GAD2: variants seen among roughly 807,000 people sequenced by gnomAD.
GAD2 encodes the protein 65 kDa glutamic acid decarboxylase.
Under a neutral mutation model 80.1 loss-of-function variants are expected in GAD2, and 22 were observed. That is an observed-to-expected ratio of 0.27 (90% CI 0.20 to 0.39). The LOEUF is 0.39. Among genes scored for constraint, GAD2 ranks in the 10% least tolerant of loss-of-function variants. GAD2 has a pLI of 1.00. For missense variants in GAD2, 624 were observed against 738.4 expected (o/e 0.85, Z 1.80); for synonymous variants, 274 against 256.9 (o/e 1.07, Z -0.64).
At chr10:26,237,998 TCACACAGACA>T (rs746395220) in intron 7 of GAD2, among the ~76,000 whole-genome samples, 1,748 of 117,666 alleles carry the variant, frequency 0.015, 39 homozygotes, top group African/African-American at 0.054. Flanking sequence ...CGAGACTCCA[TCACACAGACA>T]CACACACACA....
At chr10:26,292,832 T>C in intron 14 of GAD2, 70 bp from the exon 15 acceptor site, 2 of 1,274,070 alleles carry the variant, frequency 1.6e-6, no homozygotes, top group Admixed American at 1.7e-5. Context: ...ATACATCGAT[T>C]TGAAATGTTC....
intron 4 of GAD2, among the ~76,000 whole-genome samples, chr10:26,221,203 A>G (rs1234048757): frequency 2.0e-5 from 3 of 152,222 alleles, no homozygotes; most frequent in African/African-American, 7.2e-5. Context: ...CAAATTAGTT[A>G]CCATCCTTGC....
At position 26,270,734 on chromosome 10, in the gene GAD2, A is replaced by G. The variant is rs761992421; in HGVS notation, c.1070A>G (p.Tyr357Cys). ...GCTGTCGCTGACATTTGCAAAAAGT[A>G]TAAGATCTGGATGCATGTGGATGTA... ...LLAVADICKK[Y>C]KIWMHVDAAW... Residue 357 changes from tyrosine to cysteine, a missense_variant, in exon 10 of 16, where the codon TAT becomes TGT. Coordinates refer to ENST00000376261, the MANE Select transcript of GAD2 (RefSeq NM_001134366.2). 1.2e-6 allele frequency: 2 copies of G among 1,612,776 alleles called. No homozygotes were observed. The highest frequency in any genetic ancestry group is 1.7e-6 in the Non-Finnish European group (2 of 1,178,736).
intron 8 of GAD2, among the ~76,000 whole-genome samples, chr10:26,268,421 T>G (rs938250709): frequency 5.3e-5 from 8 of 150,696 alleles, no homozygotes; most frequent in Non-Finnish European, 1.0e-4. Context: ...TGAGCCAAGA[T>G]TGTGCCACTG....
intron 5 of GAD2, among the ~76,000 whole-genome samples, chr10:26,224,277 T>C (rs548218999): frequency 6.6e-6 from 1 of 152,346 alleles, no homozygotes; most frequent in East Asian, 1.9e-4. Context: ...ATCATGTTAC[T>C]CTGCAATATT....
intron 4 of GAD2, among the ~76,000 whole-genome samples, chr10:26,222,721 C>T (rs1284488553): frequency 6.6e-6 from 1 of 152,134 alleles, no homozygotes; most frequent in Admixed American, 6.5e-5. Context: ...TACCCAGTGT[C>T]TGTCTGGCCA....
chr10:26,219,369 G>C, intron 4 of GAD2, 93 bp downstream of exon 4: 2 of 823,108 alleles, frequency 2.4e-6, no homozygotes, highest in Non-Finnish European at 3.6e-6. Flanking sequence ...TGGAGTTACT[G>C]ATATTTTCAA....
At chr10:26,238,979 TG>T (rs146382247) in intron 7 of GAD2, among the ~76,000 whole-genome samples, 2,665 of 141,004 alleles carry the variant, frequency 0.019, 86 homozygotes, top group African/African-American at 0.064. Context: ...CCCCGGGGGA[TG>T]GTGGGGTGGG....
At chr10:26,281,475 G>A (rs1323189164) in intron 12 of GAD2, among the ~76,000 whole-genome samples, 1 of 152,022 alleles carries the variant, frequency 6.6e-6, no homozygotes, top group African/African-American at 2.4e-5. Context: ...ACATGATATA[G>A]GATTAAGGGT....
Position 26,217,068 on chromosome 10 carries a change from C to T in GAD2, c.76+183C>T, listed in dbSNP as rs993121350. 2.0e-5 allele frequency among the ~76,000 whole-genome samples: 3 copies of T among 152,024 alleles called. No homozygotes were observed. Among genetic ancestry groups the T allele is most frequent in the Admixed American group, 6.6e-5 (1 of 15,258 alleles). ...CTCAAGACCTCTACAGCCTCTTGTA[C>T]CCTGGGAAGACGCCCAAATAGTCTC... On this transcript the variant is annotated intron_variant, in intron 1 of 15. Coordinates refer to ENST00000376261, the MANE Select transcript of GAD2 (RefSeq NM_001134366.2). The surrounding 1 kb of genome is among the most constrained non-coding windows in gnomAD (Gnocchi z 4.9).
intron 4 of GAD2, among the ~76,000 whole-genome samples, chr10:26,221,986 A>T (rs961142005): frequency 3.9e-5 from 6 of 152,190 alleles, no homozygotes; most frequent in Non-Finnish European, 7.3e-5. Flanking sequence ...GGGCCACAGG[A>T]TGGGAGCAAA....
intron 15 of GAD2, among the ~76,000 whole-genome samples, chr10:26,293,925 A>C (rs1834246327): frequency 6.6e-6 from 1 of 152,090 alleles, no homozygotes; most frequent in Admixed American, 6.6e-5. Context: ...AGAAAATGTA[A>C]CTCCCAAAAT....
intron 4 of GAD2, among the ~76,000 whole-genome samples, chr10:26,222,299 A>C (rs972298371): frequency 5.3e-5 from 8 of 152,188 alleles, no homozygotes; most frequent in African/African-American, 1.9e-4. Context: ...ACAGGTTTTC[A>C]TTCCCAAGTT....
chr10:26,220,041 T>C (rs570158235), intron 4 of GAD2, among the ~76,000 whole-genome samples: 3 of 152,324 alleles, frequency 2.0e-5, no homozygotes, highest in South Asian at 4.1e-4. Context: ...TACAGCTTCA[T>C]TTATAACATT....
intron 7 of GAD2, among the ~76,000 whole-genome samples, chr10:26,235,367 TG>T (rs1179796516): frequency 6.6e-6 from 1 of 152,196 alleles, no homozygotes; most frequent in Non-Finnish European, 1.5e-5. Context: ...AGAGCCATTT[TG>T]TTTTCTAAAT....
intron 8 of GAD2, among the ~76,000 whole-genome samples, 173 bp downstream of exon 8, chr10:26,246,173 G>T (rs187156453): frequency 1.3e-5 from 2 of 152,262 alleles, no homozygotes; most frequent in East Asian, 3.9e-4. Context: ...GCTCAGATGT[G>T]GTTCCTTGAT....
intron 8 of GAD2, among the ~76,000 whole-genome samples, chr10:26,252,718 G>T (rs1844894477): frequency 6.6e-6 from 1 of 151,532 alleles, no homozygotes; most frequent in South Asian, 2.1e-4. Context: ...GAGTGCAATG[G>T]CGCAACCTTG....
At position 26,295,252 on chromosome 10, in the gene GAD2, A is replaced by G. The variant is rs369808203; in HGVS notation, c.1584+2261A>G. Among the ~76,000 whole-genome samples the G allele has an allele frequency of 6.6e-5, 10 of 152,286 alleles. No individual in the cohort carries two copies. In the East Asian group the frequency reaches 1.9e-3, roughly 29 times the overall value. On this transcript the variant is annotated intron_variant, in intron 15 of 15. Coordinates refer to ENST00000376261, the MANE Select transcript of GAD2 (RefSeq NM_001134366.2). The stretch of plus-strand genomic sequence containing the variant: ...ATTAGAATATTAGTAAACTGTTTTT[A>G]TACTGTTGACAATTCAAATATGAAA...
At position 26,302,896 on chromosome 10, in the gene GAD2, C is replaced by T. The variant is rs1180054974; in HGVS notation, c.*1935C>T. On this transcript the variant is annotated 3_prime_UTR_variant, in exon 16 of 16. Transcript: ENST00000376261. Reference sequence around the variant, plus strand: ...TGAAGGAGTAACCTTCCATTCTAGGCTTTGTCTAATGGCCAAGCATTAGAC... The same window carrying T: ...TGAAGGAGTAACCTTCCATTCTAGGTTTTGTCTAATGGCCAAGCATTAGAC... 1 of 152,182 alleles carries T rather than the reference C, an allele frequency of 6.6e-6. No individual in the cohort carries two copies. The highest frequency in any genetic ancestry group is 1.5e-5 in the Non-Finnish European group (1 of 68,042). 9.4% of individuals were successfully genotyped at this position (152,182 alleles called of 1,614,324 possible).
Sources: allele counts gnomAD v4.1 joint callset (sites outside exome capture counted in the v4.1 genomes callset), GRCh38; gene constraint gnomAD v4.1.1; non-coding constraint Gnocchi (gnomAD v3.1); transcripts MANE v1.5; gene names NCBI Gene and HGNC (gene_info 2026-07-23, HGNC 2026-07-21).